The following SERPINH1 variants were observed in gnomAD, a reference collection of about 807,000 sequenced individuals.
SERPINH1 encodes the protein serpin H1.
Under a neutral mutation model 32.3 loss-of-function variants are expected in SERPINH1, and 22 were observed. The ratio of observed to expected loss-of-function variants is 0.68; its 90% CI spans 0.49 to 0.97. SERPINH1 has a LOEUF of 0.97. Among genes scored for constraint, SERPINH1 ranks in the 50% least tolerant of loss-of-function variants. The pLI, the probability that SERPINH1 is intolerant of heterozygous loss-of-function variation, is 0.00. For missense variants in SERPINH1, 543 were observed against 576.4 expected, an observed-to-expected ratio of 0.94 and a Z score of 0.59; for synonymous variants, 251 against 245.9, an observed-to-expected ratio of 1.02 and a Z score of -0.19.
chr11:75,569,184 C>G lies in SERPINH1; in HGVS notation c.954+13C>G. On this transcript the variant is annotated intron_variant, in intron 4 of 4. Coordinates refer to ENST00000358171, the MANE Select transcript of SERPINH1 (RefSeq NM_001235.5). Reference sequence around the variant, plus strand: ...CCATGACCTGCAGGTAAGGGGTGGCCCAGCCTAGGGGCCTGCAGGCCTTGG... The same window carrying G: ...CCATGACCTGCAGGTAAGGGGTGGCGCAGCCTAGGGGCCTGCAGGCCTTGG... 6.3e-7 allele frequency: 1 copy of G among 1,585,728 alleles called. No individual in the cohort carries two copies. The highest frequency in any genetic ancestry group is 1.1e-5 in the South Asian group (1 of 88,372).
At chr11:75,565,615 G>GAC (rs35096125) in intron 1 of SERPINH1, among the ~76,000 whole-genome samples, 8 of 151,514 alleles carry the variant, frequency 5.3e-5, no homozygotes, top group Non-Finnish European at 7.4e-5. Flanking sequence ...GTGGACACAG[G>GAC]ACACACACAC....
chr11:75,569,049 C>G lies in SERPINH1; in HGVS notation c.832C>G (p.Leu278Val). 6.2e-7 allele frequency: 1 copy of G among 1,614,254 alleles called. No homozygotes were observed. The highest frequency in any genetic ancestry group is 1.7e-5 in the Admixed American group (1 of 60,034). ...IILMPHHVEPLERLEKLLTKE... is the reference protein window; with the variant it reads ...IILMPHHVEPVERLEKLLTKE... ...CCTCATGCCCCATCACGTGGAGCCT[C>G]TCGAGCGCCTTGAAAAGCTGCTAAC... Residue 278 changes from leucine to valine, a missense_variant, in exon 4 of 5, where the codon CTC becomes GTC. Leu to Val is a conservative substitution (Grantham distance 32, BLOSUM62 1). Around this residue, in one of 3 missense-constraint regions of SERPINH1, gnomAD observed 427 missense variants for 446.4 expected, o/e 0.96. Coordinates refer to ENST00000358171, the MANE Select transcript of SERPINH1 (RefSeq NM_001235.5).
chr11:75,572,031 T>C lies in SERPINH1; in HGVS notation c.1205T>C (p.Phe402Ser). 1.2e-6 allele frequency: 2 copies of C among 1,614,178 alleles called. No individual in the cohort carries two copies. Among genetic ancestry groups the C allele is most frequent in the Non-Finnish European group, 8.5e-7 (1 of 1,180,040 alleles). Residue 402 changes from phenylalanine to serine, a missense_variant, in exon 5 of 5, where the codon TTC (phenylalanine) becomes TCC (serine). This residue lies in a region of SERPINH1 where 427 missense variants were observed against 446.4 expected (regional missense o/e 0.96). Transcript: ENST00000358171. ...VRDTQSGSLL[F>S]IGRLVRPKGD... ...GACACCCAAAGCGGCTCCCTGCTATTCATTGGGCGCCTGGTCCGGCCTAAG... is the reference window on the plus strand; with the variant it reads ...GACACCCAAAGCGGCTCCCTGCTATCCATTGGGCGCCTGGTCCGGCCTAAG...
intron 2 of SERPINH1, 50 bp from the exon 3 acceptor site, chr11:75,568,681 G>A: frequency 7.8e-7 from 1 of 1,277,370 alleles, no homozygotes; most frequent in East Asian, 2.3e-5. Flanking sequence ...CTGTGATTGT[G>A]TTTGGGGGCG....
At position 75,571,723 on chromosome 11, in the gene SERPINH1, G is replaced by A. The variant is rs935856678; in HGVS notation, c.955-58G>A. On this transcript the variant is annotated intron_variant, in intron 4 of 4. Coordinates refer to ENST00000358171, the MANE Select transcript of SERPINH1 (RefSeq NM_001235.5). ...CAGGGTAGTATGGGGTGGAGGGTTT[G>A]AGGGTGGAGGAGCCTGGCAGCCATG... 1.3e-6 allele frequency: 2 copies of A among 1,532,456 alleles called. 1 individual carries two copies. Among genetic ancestry groups the A allele is most frequent in the Admixed American group, 3.3e-5 (2 of 59,746 alleles). 94.9% of individuals were successfully genotyped at this position (1,532,456 alleles called of 1,614,324 possible). A position where few individuals can be genotyped will look rare whatever the true frequency, so the allele number is the denominator to read the frequency against.
rs1942076813 is a variant in SERPINH1 at position 75,566,482 on chromosome 11, G to A, written c.133G>A (p.Glu45Lys). Residue 45 changes from glutamate to lysine, a missense_variant, in exon 2 of 5, where the codon GAG becomes AAG. Glu to Lys is a moderately conservative substitution (Grantham distance 56). Around this residue, in one of 3 missense-constraint regions of SERPINH1, gnomAD observed 109 missense variants for 102.4 expected, o/e 1.06. Coordinates refer to ENST00000358171, the MANE Select transcript of SERPINH1 (RefSeq NM_001235.5). ...KLSPKAATLA[E>K]RSAGLAFSLY... is the part of the protein sequence containing the mutation. ...GAGCCCCAAGGCGGCCACGCTTGCC[G>A]AGCGCAGCGCCGGCCTGGCCTTCAG... is the stretch of plus-strand genomic sequence containing the variant. 1.9e-6 allele frequency: 3 copies of A among 1,612,392 alleles called. No individual in the cohort carries two copies. The highest frequency in any genetic ancestry group is 1.1e-5 in the South Asian group (1 of 90,974).
chr11:75,564,487 C>A (rs652054), intron 1 of SERPINH1, among the ~76,000 whole-genome samples: 50,825 of 152,050 alleles, frequency 0.33, 8,732 homozygotes, highest in South Asian at 0.48. Context: ...TCAGAGGTGG[C>A]TTTTGAGTAG....
rs200265134 is a variant in SERPINH1 at position 75,566,695 on chromosome 11, C to T, written c.346C>T (p.Arg116Cys). The T allele has an allele frequency of 1.1e-5, 18 of 1,610,348 alleles. No individual in the cohort carries two copies. The highest frequency in any genetic ancestry group is 2.5e-6 in the Non-Finnish European group (3 of 1,178,790). The change falls in exon 2 of 5, where the codon CGC becomes TGC. Residue 116 changes from arginine to cysteine, a missense_variant. Arg to Cys is a radical substitution (Grantham distance 180, BLOSUM62 -3). Coordinates refer to ENST00000358171, the MANE Select transcript of SERPINH1 (RefSeq NM_001235.5). ...EVHAGLGELL[R>C]SLSNSTARNV... is the part of the protein sequence containing the mutation. Reference sequence around the variant, plus strand: ...GCACGCCGGCCTGGGCGAGCTGCTGCGCTCACTCAGCAACTCCACGGCGCG... The same window carrying T: ...GCACGCCGGCCTGGGCGAGCTGCTGTGCTCACTCAGCAACTCCACGGCGCG...
intron 4 of SERPINH1, among the ~76,000 whole-genome samples, chr11:75,570,552 T>C (rs1942179417): frequency 6.6e-6 from 1 of 152,196 alleles, no homozygotes; most frequent in South Asian, 2.1e-4. Context: ...GGATGACGTG[T>C]GCAAGGTCAT....
intron 4 of SERPINH1, among the ~76,000 whole-genome samples, chr11:75,570,927 T>C (rs1368600308): frequency 6.6e-6 from 1 of 152,104 alleles, no homozygotes; most frequent in Non-Finnish European, 1.5e-5. Flanking sequence ...AGGATGGCCA[T>C]CCAGGATATA....
Position 75,566,535 on chromosome 11 carries a change from G to A in SERPINH1, c.186G>A (p.Gln62=). The A allele has an allele frequency of 6.2e-7, 1 of 1,611,998 alleles. No homozygotes were observed. Among genetic ancestry groups the A allele is most frequent in the South Asian group, 1.1e-5 (1 of 90,972 alleles). Residue 62 remains glutamine, a synonymous_variant, in exon 2 of 5, where the codon CAG becomes CAA. Transcript: ENST00000358171. The part of the protein sequence containing the change: ...FSLYQAMAKD[Q]AVENILVSPV... ...TGTACCAGGCCATGGCCAAGGACCA[G>A]GCAGTGGAGAACATCCTGGTGTCAC...
At position 75,566,813 on chromosome 11, in the gene SERPINH1, A is replaced by G. The variant is rs747915459; in HGVS notation, c.464A>G (p.Asn155Ser). The stretch of plus-strand genomic sequence containing the variant: ...GTGCGCAGCAGCAAGCAGCACTACA[A>G]CTGCGAGCACTCCAAGATCAACTTC... ...DFVRSSKQHY[N>S]CEHSKINFRD... Residue 155 changes from asparagine to serine, a missense_variant, in exon 2 of 5, where the codon AAC becomes AGC. By Grantham distance (46) the Asn-to-Ser change is conservative. Around this residue, in one of 3 missense-constraint regions of SERPINH1, gnomAD observed 427 missense variants for 446.4 expected, o/e 0.96. Transcript: ENST00000358171. The G allele has an allele frequency of 2.6e-5, 42 of 1,613,058 alleles. No individual in the cohort carries two copies. Among genetic ancestry groups the G allele is most frequent in the Non-Finnish European group, 3.4e-5 (40 of 1,179,988 alleles).
Position 75,571,875 on chromosome 11 carries a change from G to C in SERPINH1, c.1049G>C (p.Ser350Thr), listed in dbSNP as rs150431930. 4.6e-5 allele frequency: 75 copies of C among 1,614,096 alleles called. No individual in the cohort carries two copies. Among genetic ancestry groups the C allele is most frequent in the Non-Finnish European group, 6.0e-5 (71 of 1,180,050 alleles). Residue 350 changes from serine to threonine, a missense_variant, in exon 5 of 5, where the codon AGC (serine) becomes ACC (threonine). Ser to Thr is a moderately conservative substitution (Grantham distance 58). This residue lies in a region of SERPINH1 where 427 missense variants were observed against 446.4 expected (regional missense o/e 0.96). Transcript: ENST00000358171. ...MSGKKDLYLA[S>T]VFHATAFELD... ...GGCAAGAAGGACCTGTACCTGGCCA[G>C]CGTGTTCCACGCCACCGCCTTTGAG...
rs1251272276 is a variant in SERPINH1, at chr11:75,566,488, A to G, written c.139A>G (p.Ser47Gly). The G allele has an allele frequency of 1.5e-5, 24 of 1,612,480 alleles. No individual in the cohort carries two copies. Among genetic ancestry groups the G allele is most frequent in the Non-Finnish European group, 2.0e-5 (24 of 1,179,802 alleles). Reference sequence around the variant, plus strand: ...CAAGGCGGCCACGCTTGCCGAGCGCAGCGCCGGCCTGGCCTTCAGCTTGTA... The same window carrying G: ...CAAGGCGGCCACGCTTGCCGAGCGCGGCGCCGGCCTGGCCTTCAGCTTGTA... The part of the protein sequence containing the change: ...SPKAATLAER[S>G]AGLAFSLYQA... The change falls in exon 2 of 5, where the codon AGC becomes GGC. Residue 47 changes from serine to glycine, a missense_variant. Transcript: ENST00000358171.
intron 1 of SERPINH1, 23 bp from the exon 2 acceptor site, chr11:75,566,292 AC>A: frequency 1.9e-6 from 3 of 1,573,900 alleles, no homozygotes; most frequent in South Asian, 1.2e-5. Flanking sequence ...CTTCAAGACC[AC>A]CCTGTCTGTG....
In SERPINH1 at chr11:75,566,509, T is replaced by G. The variant is rs540061657; in HGVS notation, c.160T>G (p.Leu54Val). The G allele has an allele frequency of 5.6e-6, 9 of 1,612,404 alleles. No homozygotes were observed. Among genetic ancestry groups the G allele is most frequent in the Non-Finnish European group, 7.6e-6 (9 of 1,179,796 alleles). The change falls in exon 2 of 5, where the codon TTG (leucine) becomes GTG (valine). Residue 54 changes from leucine (L) to valine (V), a missense_variant. Coordinates refer to ENST00000358171, the MANE Select transcript of SERPINH1 (RefSeq NM_001235.5). ...GCGCAGCGCCGGCCTGGCCTTCAGC[T>G]TGTACCAGGCCATGGCCAAGGACCA... ...AERSAGLAFS[L>V]YQAMAKDQAV...
intron 4 of SERPINH1, among the ~76,000 whole-genome samples, chr11:75,570,842 G>C (rs1404828058): frequency 6.6e-6 from 1 of 152,208 alleles, no homozygotes; most frequent in Non-Finnish European, 1.5e-5. Context: ...GAAGGTCCAG[G>C]GAGGCACCAC....
intron 2 of SERPINH1, chr11:75,568,468 A>C: frequency 5.3e-5 from 27 of 513,778 alleles, no homozygotes; most frequent in Middle Eastern, 5.5e-4. Context: ...TGAGGGCGGA[A>C]TTAATTCTCT....
At chr11:75,566,995 G>C (rs2063698612) in intron 2 of SERPINH1, 24 bp downstream of exon 2, 9 of 1,546,758 alleles carry the variant, frequency 5.8e-6, no homozygotes, top group Non-Finnish European at 7.9e-6. Flanking sequence ...GCGTTCAGGG[G>C]TCCTCCTCCT....
Sources: gnomAD v4.1 joint callset for allele counts (sites outside exome capture counted in the v4.1 genomes callset) on GRCh38, gnomAD v4.1.1 for gene constraint, gnomAD v4.1.1 regional missense constraint, MANE v1.5 for transcripts, NCBI Gene and HGNC (gene_info 2026-07-23, HGNC 2026-07-21) for gene names.